Variants in AGTPBP1 observed in about 807,000 individuals in gnomAD.
AGTPBP1 encodes the protein cytosolic carboxypeptidase 1.
Under a neutral mutation model 143.9 loss-of-function variants are expected in AGTPBP1, and 70 were observed. The observed-to-expected ratio is 0.49, with a 90% CI of 0.40 to 0.59. The LOEUF is 0.59. Among genes scored for constraint, AGTPBP1 ranks in the 20% least tolerant of loss-of-function variants. The pLI is 0.00. For missense variants in AGTPBP1, 1,229 were observed against 1,464.5 expected, an observed-to-expected ratio of 0.84 and a Z score of 2.62; for synonymous variants, 463 against 500.2, an observed-to-expected ratio of 0.93 and a Z score of 0.99.
At chr9:85,671,826 G>C (rs1323707650) in intron 7 of AGTPBP1, among the ~76,000 whole-genome samples, 1 of 152,120 alleles carries the variant, frequency 6.6e-6, no homozygotes, top group Non-Finnish European at 1.5e-5. Flanking sequence ...GTTATTTTCA[G>C]TTCTGCTACT....
chr9:85,710,829 T>C (rs900521552), intron 2 of AGTPBP1, among the ~76,000 whole-genome samples: 2 of 152,170 alleles, frequency 1.3e-5, no homozygotes, highest in African/African-American at 4.8e-5. Context: ...TTTTAGATAG[T>C]TTAGCTAATC....
chr9:85,760,424 A>T, the AGTPBP1 span, among the ~76,000 whole-genome samples: 1 of 152,198 alleles, frequency 6.6e-6, no homozygotes, highest in Non-Finnish European at 1.5e-5. Context: ...ATCCACCATG[A>T]TCATGTGGGC....
chr9:85,563,565 C>A (rs1826881438), intron 25 of AGTPBP1, among the ~76,000 whole-genome samples: 1 of 152,150 alleles, frequency 6.6e-6, no homozygotes, highest in African/African-American at 2.4e-5. Flanking sequence ...AAGATGGAAT[C>A]ATTCACGAGA....
intron 25 of AGTPBP1, among the ~76,000 whole-genome samples, chr9:85,548,576 T>G (rs1825852971): frequency 6.6e-6 from 1 of 152,192 alleles, no homozygotes; most frequent in Non-Finnish European, 1.5e-5. Flanking sequence ...AATTTCACAG[T>G]TTTTAATTTG....
chr9:85,643,814 T>C (rs1444228881), intron 12 of AGTPBP1, among the ~76,000 whole-genome samples: 1 of 152,180 alleles, frequency 6.6e-6, no homozygotes, highest in Non-Finnish European at 1.5e-5. Context: ...CTACCCAAGC[T>C]ATTTTCTAGG....
At position 85,706,804 on chromosome 9, in the gene AGTPBP1, A is replaced by C. The variant is rs1050734007; in HGVS notation, c.32+5698T>G. The stretch of plus-strand genomic sequence containing the variant: ...GGCAGGAGAATGGCGTAAACCCGGG[A>C]GGCAGAGCTTGCAGTGAGCCGACAT... On this transcript the variant is annotated intron_variant, in intron 2 of 25. Transcript: ENST00000357081. 1.1e-4 allele frequency among the ~76,000 whole-genome samples: 16 copies of C among 152,244 alleles called. No homozygotes were observed. The South Asian group carries it at 3.1e-3, about 30-fold the overall frequency.
At chr9:85,678,471 T>C in intron 4 of AGTPBP1, 73 bp from the exon 5 acceptor site, 2 of 923,238 alleles carry the variant, frequency 2.2e-6, no homozygotes, top group Non-Finnish European at 1.6e-6. Flanking sequence ...CACTGGGAAC[T>C]ACCTATATTT....
At chr9:85,571,699 G>A (rs189499098) in intron 25 of AGTPBP1, among the ~76,000 whole-genome samples, 2 of 152,246 alleles carry the variant, frequency 1.3e-5, no homozygotes, top group South Asian at 2.1e-4. Context: ...TGCGCTCTAC[G>A]ATAAGATGCA....
At chr9:85,677,134 T>C (rs1834877766) in intron 6 of AGTPBP1, among the ~76,000 whole-genome samples, 1 of 152,134 alleles carries the variant, frequency 6.6e-6, no homozygotes, top group Non-Finnish European at 1.5e-5. Context: ...ATAGGGCAAG[T>C]ATAGCTAATA....
At position 85,646,317 on chromosome 9, in the gene AGTPBP1, T is replaced by A. The variant is rs542675762; in HGVS notation, c.1185+4A>T. ...GCTAACTAATTACAGAAATTTATAC[T>A]AACCTTAAAATTTTGATCTAGGTCA... is the stretch of plus-strand genomic sequence containing the variant. On this transcript the variant is annotated splice_donor_region_variant and intron_variant, in intron 12 of 25. Transcript: ENST00000357081. 1.4e-5 allele frequency: 22 copies of A among 1,607,508 alleles called. No homozygotes were observed. The highest frequency in any genetic ancestry group is 3.3e-4 in the Middle Eastern group (2 of 6,066).
Position 85,589,648 on chromosome 9 carries a change from G to T in AGTPBP1, c.2602C>A (p.Pro868Thr), listed in dbSNP as rs1433177305. The T allele has an allele frequency of 3.7e-6, 6 of 1,607,852 alleles. No individual in the cohort carries two copies. The highest frequency in any genetic ancestry group is 5.1e-6 in the Non-Finnish European group (6 of 1,178,312). The part of the protein sequence containing the change: ...HLQKLESAHN[P>T]QQIYFRKDVL... ...TCTTTCCGAAAATAGATTTGCTGAG[G>T]ATTGTGTGCTGATTCCAATTTTTGA... Residue 868 changes from proline (P) to threonine (T), a missense_variant, in exon 20 of 26, where the codon CCT (proline) becomes ACT (threonine). Coordinates refer to ENST00000357081, the MANE Select transcript of AGTPBP1 (RefSeq NM_001330701.2).
chr9:85,771,957 C>CCCTTGTGCTA, the AGTPBP1 span, among the ~76,000 whole-genome samples: 1 of 150,956 alleles, frequency 6.6e-6, no homozygotes, highest in Admixed American at 6.6e-5. Flanking sequence ...CCGCGCCCAG[C>CCCTTGTGCTA]CTGATATAGA....
intron 1 of AGTPBP1, among the ~76,000 whole-genome samples, chr9:85,735,507 C>T (rs548514581): frequency 6.6e-6 from 1 of 152,184 alleles, no homozygotes; most frequent in African/African-American, 2.4e-5. Context: ...CTAAACTACA[C>T]ACTTAAAAGT....
chr9:85,741,173 G>C (rs1348517409), intron 1 of AGTPBP1: 2 of 973,316 alleles, frequency 2.1e-6, no homozygotes, highest in African/African-American at 1.8e-5. Context: ...CAAACCAAAC[G>C]CTCAAGGCGA....
intron 3 of AGTPBP1, among the ~76,000 whole-genome samples, chr9:85,690,048 C>T (rs1289042984): frequency 6.7e-6 from 1 of 149,428 alleles, no homozygotes; most frequent in African/African-American, 2.5e-5. Context: ...GTAATAATTA[C>T]TACACCTCCA....
the AGTPBP1 span, among the ~76,000 whole-genome samples, chr9:85,752,047 G>C: frequency 2.0e-5 from 3 of 151,732 alleles, no homozygotes; most frequent in Admixed American, 2.0e-4. Flanking sequence ...TGGCCAACAT[G>C]GTAAAACCCT....
At chr9:85,700,976 G>A (rs1836606439) in intron 2 of AGTPBP1, among the ~76,000 whole-genome samples, 1 of 151,954 alleles carries the variant, frequency 6.6e-6, no homozygotes, top group South Asian at 2.1e-4. Context: ...GGAGTGCAGT[G>A]GCGCAATCTC....
intron 11 of AGTPBP1, among the ~76,000 whole-genome samples, chr9:85,651,467 T>A (rs923711294): frequency 6.6e-6 from 1 of 152,218 alleles, no homozygotes; most frequent in East Asian, 1.9e-4. Context: ...GTATTATGTA[T>A]CTTTTGCCAA....
At chr9:85,566,468 T>C (rs1345443116) in intron 25 of AGTPBP1, among the ~76,000 whole-genome samples, 1 of 140,314 alleles carries the variant, frequency 7.1e-6, no homozygotes, top group Non-Finnish European at 1.5e-5. Context: ...AGGTTGAGGC[T>C]GCAGTGAACT....
Sources: allele counts gnomAD v4.1 joint callset (sites outside exome capture counted in the v4.1 genomes callset), GRCh38; gene constraint gnomAD v4.1.1; transcripts MANE v1.5; gene names NCBI Gene and HGNC (gene_info 2026-07-23, HGNC 2026-07-21).